YJU2B: variants seen among roughly 807,000 people sequenced by gnomAD.
The protein encoded by YJU2B is probable splicing factor YJU2B.
In YJU2B, 18 loss-of-function variants were observed where a neutral mutation model predicts 38.0. The observed-to-expected ratio is 0.47, with a 90% CI of 0.33 to 0.70. The LOEUF (loss-of-function observed/expected upper bound fraction) is 0.70, where lower values mean the gene tolerates loss of function less well. Among genes scored for constraint, YJU2B ranks in the 30% least tolerant of loss-of-function variants. The probability of loss-of-function intolerance (pLI) is 0.02; values close to 1 mark genes in which losing one functional copy is unlikely to be tolerated. For missense variants in YJU2B, 538 were observed against 556.3 expected (o/e 0.97, Z 0.33); for synonymous variants, 246 against 225.4 (o/e 1.09, Z -0.82).
At chr19:13,740,027 A>G (rs1443046168) in intron 2 of YJU2B, among the ~76,000 whole-genome samples, 3 of 152,034 alleles carry the variant, frequency 2.0e-5, no homozygotes, top group Non-Finnish European at 4.4e-5. Flanking sequence ...CTGCATTACT[A>G]TTTACAATAG....
chr19:13,734,933 G>A (rs927297383), intron 2 of YJU2B, among the ~76,000 whole-genome samples: 7 of 152,146 alleles, frequency 4.6e-5, no homozygotes, highest in Admixed American at 3.9e-4. Context: ...CAGATTTTCT[G>A]GAAACTGGTT....
chr19:13,745,246 A>G (rs1396576522), upstream of YJU2B, among the ~76,000 whole-genome samples: 1 of 152,212 alleles, frequency 6.6e-6, no homozygotes, highest in African/African-American at 2.4e-5. Flanking sequence ...GTGAGCACCA[A>G]GCATTGCTCA....
intron 6 of YJU2B, among the ~76,000 whole-genome samples, chr19:13,758,322 C>A (rs1252476354): frequency 6.6e-6 from 1 of 152,234 alleles, no homozygotes; most frequent in Non-Finnish European, 1.5e-5. Context: ...GCTGGGACGT[C>A]AGCCTTTCCA....
At chr19:13,755,199 A>G (rs887108137) in intron 3 of YJU2B, among the ~76,000 whole-genome samples, 1 of 150,464 alleles carries the variant, frequency 6.6e-6, no homozygotes, top group Non-Finnish European at 1.5e-5. Flanking sequence ...GCCATGGCTC[A>G]CGCCTCTAAT....
At chr19:13,752,478 T>G (rs756531861) in intron 2 of YJU2B, among the ~76,000 whole-genome samples, 32 of 152,098 alleles carry the variant, frequency 2.1e-4, no homozygotes, top group Admixed American at 3.9e-4. Context: ...GCGCGGTGGC[T>G]CACGCCTGTA....
chr19:13,740,477 A>C (rs1973063769), intron 2 of YJU2B, among the ~76,000 whole-genome samples: 1 of 152,004 alleles, frequency 6.6e-6, no homozygotes, highest in South Asian at 2.1e-4. Context: ...CTCTCAAAGC[A>C]CTGGGGTTAC....
intron 1 of YJU2B, among the ~76,000 whole-genome samples, chr19:13,748,980 A>C (rs546105438): frequency 5.9e-5 from 9 of 152,322 alleles, no homozygotes; most frequent in Admixed American, 3.3e-4. Context: ...CTCCCACTCC[A>C]TCAGAAGCTC....
At chr19:13,759,500 A>G (rs1973803951) in intron 8 of YJU2B, 1 of 482,072 alleles carries the variant, frequency 2.1e-6, no homozygotes, top group Non-Finnish European at 3.7e-6. Flanking sequence ...ACAGTGACTC[A>G]CGCCTGTAAT....
At chr19:13,736,000 C>T (rs954799327) in intron 2 of YJU2B, among the ~76,000 whole-genome samples, 16 of 148,604 alleles carry the variant, frequency 1.1e-4, no homozygotes, top group African/African-American at 3.0e-4. Context: ...TGCAGTGAGC[C>T]GAGATCGCGC....
intron 3 of YJU2B, 70 bp from the exon 4 acceptor site, chr19:13,756,127 G>A: frequency 8.2e-7 from 1 of 1,212,322 alleles, no homozygotes; most frequent in Non-Finnish European, 1.2e-6. Flanking sequence ...CCAAAGCAGT[G>A]GGGGTGGCAG....
intron 5 of YJU2B, 29 bp from the exon 6 acceptor site, chr19:13,757,757 A>G: frequency 9.3e-6 from 15 of 1,612,632 alleles, no homozygotes; most frequent in Non-Finnish European, 1.3e-5. Context: ...TGGCAATGAA[A>G]TTACCACCCC....
At position 13,762,684 on chromosome 19, in the gene YJU2B, C is replaced by T. The variant is rs373864663; in HGVS notation, c.807C>T (p.Ser269=). 2.9e-5 allele frequency: 47 copies of T among 1,600,600 alleles called. No individual in the cohort carries two copies. In the East Asian group the frequency reaches 7.4e-4, roughly 25 times the overall value. The change falls in exon 10 of 10, where the codon AGC becomes AGT. Residue 269 remains serine (S), a synonymous_variant. Coordinates refer to ENST00000221554, the MANE Select transcript of YJU2B (RefSeq NM_030818.4). Reference sequence around the variant, plus strand: ...GATCCGCCTCCAGCAGCAAGGTCAGCGGCGTCCTGAAGAAGCTGGCACAGA... The same window carrying T: ...GATCCGCCTCCAGCAGCAAGGTCAGTGGCGTCCTGAAGAAGCTGGCACAGA... The part of the protein sequence containing the change: ...APGSASSSKV[S]GVLKKLAQSR...
upstream of YJU2B, among the ~76,000 whole-genome samples, chr19:13,746,318 T>C (rs543912413): frequency 2.6e-4 from 39 of 152,148 alleles, no homozygotes; most frequent in African/African-American, 8.9e-4. Flanking sequence ...ATCTGAAGGC[T>C]CTAAGAGAAG....
rs11878381 is a variant in YJU2B, at chr19:13,763,182, C to A, written c.*114C>A. On this transcript the variant is annotated 3_prime_UTR_variant, in exon 10 of 10. Coordinates refer to ENST00000221554, the MANE Select transcript of YJU2B (RefSeq NM_030818.4). ...ACCAGCCCTGGGAGAGCTCAGATGC[C>A]GCATCCTCCCCAGACCGCGCCTTCC... 0.03 allele frequency: 24,701 copies of A among 815,450 alleles called. 4,424 individuals carry two copies. The African/African-American group carries it at 0.38, about 13-fold the overall frequency. 50.5% of individuals were successfully genotyped at this position (815,450 alleles called of 1,614,324 possible). A position where few individuals can be genotyped will look rare whatever the true frequency, so the allele number is the denominator to read the frequency against.
intron 1 of YJU2B, among the ~76,000 whole-genome samples, chr19:13,748,226 G>T (rs1473223868): frequency 6.6e-6 from 1 of 152,166 alleles, no homozygotes; most frequent in African/African-American, 2.4e-5. Context: ...TCGGGAAAAT[G>T]GGACCAATAA....
intron 2 of YJU2B, among the ~76,000 whole-genome samples, chr19:13,742,281 T>G (rs1973113341): frequency 6.6e-6 from 1 of 150,728 alleles, no homozygotes; most frequent in South Asian, 2.1e-4. Flanking sequence ...ATCTGGTCCT[T>G]CTTTGAGTCC....
At chr19:13,754,539 C>T (rs1973592381) in intron 3 of YJU2B, among the ~76,000 whole-genome samples, 197 bp downstream of exon 3, 1 of 152,056 alleles carries the variant, frequency 6.6e-6, no homozygotes, top group African/African-American at 2.4e-5. Flanking sequence ...ACTCCATGTC[C>T]ACACTATACT....
Position 13,758,853 on chromosome 19 carries a change from A to G in YJU2B, c.258-15A>G, listed in dbSNP as rs1377727929. 6.2e-7 allele frequency: 1 copy of G among 1,613,634 alleles called. No homozygotes were observed. The highest frequency in any genetic ancestry group is 1.7e-5 in the Admixed American group (1 of 59,944). ...AGCCACAGCCTCCTGACTCCTGCCCACCGCTCCCTCCCAGGTTCCGGATGA... is the reference window on the plus strand; with the variant it reads ...AGCCACAGCCTCCTGACTCCTGCCCGCCGCTCCCTCCCAGGTTCCGGATGA... On this transcript the variant is annotated splice_polypyrimidine_tract_variant and intron_variant, in intron 6 of 9. Coordinates refer to ENST00000221554, the MANE Select transcript of YJU2B (RefSeq NM_030818.4).
intron 2 of YJU2B, among the ~76,000 whole-genome samples, chr19:13,739,419 G>A (rs1973037135): frequency 6.6e-6 from 1 of 152,166 alleles, no homozygotes; most frequent in Non-Finnish European, 1.5e-5. Flanking sequence ...TGACCTCTAA[G>A]AGAGCTGTAT....
Sources: gnomAD v4.1 joint callset for allele counts (sites outside exome capture counted in the v4.1 genomes callset) on GRCh38, gnomAD v4.1.1 for gene constraint, MANE v1.5 for transcripts, NCBI Gene and HGNC (gene_info 2026-07-23, HGNC 2026-07-21) for gene names.